Variants in ULK4 observed in about 807,000 individuals in gnomAD.
ULK4 encodes the protein inactive serine/threonine-protein kinase ULK4.
In ULK4, 133 loss-of-function variants were observed where a neutral mutation model predicts 160.6. The observed-to-expected ratio is 0.83, with a 90% CI of 0.72 to 0.96. The LOEUF is 0.96. Among genes scored for constraint, ULK4 ranks in the 40% least tolerant of loss-of-function variants. The pLI, the probability that ULK4 is intolerant of heterozygous loss-of-function variation, is 0.00. For synonymous variants in ULK4, 534 were observed against 539.8 expected (o/e 0.99, Z 0.15); for missense variants, 1,580 against 1,499.5 (o/e 1.05, Z -0.89).
At chr3:41,895,008 T>C (rs1247306430) in intron 16 of ULK4, among the ~76,000 whole-genome samples, 1 of 152,194 alleles carries the variant, frequency 6.6e-6, no homozygotes, top group Non-Finnish European at 1.5e-5. Flanking sequence ...AGGGAAGCTA[T>C]GTGCTACATG....
chr3:41,917,349 A>T (rs1364614350), intron 7 of ULK4, among the ~76,000 whole-genome samples: 6 of 152,096 alleles, frequency 3.9e-5, no homozygotes, highest in East Asian at 1.9e-4. Context: ...CCAAAAAATT[A>T]AAAAATTAGC....
intron 34 of ULK4, among the ~76,000 whole-genome samples, chr3:41,431,993 G>C (rs2082924993): frequency 6.6e-6 from 1 of 152,014 alleles, no homozygotes; most frequent in African/African-American, 2.4e-5. Context: ...CGGTTTCACT[G>C]TGTTAGCCAG....
At chr3:41,610,367 T>C (rs2032614497) in intron 31 of ULK4, among the ~76,000 whole-genome samples, 1 of 152,224 alleles carries the variant, frequency 6.6e-6, no homozygotes, top group African/African-American at 2.4e-5. Context: ...CCCATGTGCA[T>C]AGCAAAATTT....
intron 34 of ULK4, among the ~76,000 whole-genome samples, chr3:41,429,047 A>T (rs2082843060): frequency 1.3e-5 from 2 of 152,088 alleles, no homozygotes; most frequent in Non-Finnish European, 2.9e-5. Context: ...CAACGAACTT[A>T]AATTTACAAG....
intron 32 of ULK4, among the ~76,000 whole-genome samples, chr3:41,490,662 A>G (rs1436938603): frequency 2.0e-5 from 3 of 152,242 alleles, no homozygotes; most frequent in African/African-American, 7.2e-5. Flanking sequence ...GGCAAAACAC[A>G]TTTTTAAAAT....
chr3:41,664,352 G>T (rs895875580), intron 29 of ULK4, among the ~76,000 whole-genome samples: 6 of 152,150 alleles, frequency 3.9e-5, no homozygotes, highest in Non-Finnish European at 7.3e-5. Context: ...ATGGGAAAGG[G>T]TGCACGCGGA....
chr3:41,736,936 T>G (rs1456461300), intron 22 of ULK4, among the ~76,000 whole-genome samples: 1 of 151,874 alleles, frequency 6.6e-6, no homozygotes, highest in East Asian at 1.9e-4. Flanking sequence ...CCAGCACCAT[T>G]TATTAAATGG....
intron 30 of ULK4, among the ~76,000 whole-genome samples, chr3:41,635,338 A>G (rs1380759743): frequency 6.6e-6 from 1 of 152,190 alleles, no homozygotes; most frequent in Admixed American, 6.5e-5. Flanking sequence ...AAGAACCACT[A>G]GCCTGTGTTT....
At chr3:41,609,979 G>GAA (rs1200706921) in intron 31 of ULK4, among the ~76,000 whole-genome samples, 1 of 104,708 alleles carries the variant, frequency 9.6e-6, no homozygotes. Flanking sequence ...ATCTCAAAAA[G>GAA]AAAAAAAAAA....
At chr3:41,941,724 C>G (rs1005313643) in intron 2 of ULK4, among the ~76,000 whole-genome samples, 1 of 117,996 alleles carries the variant, frequency 8.5e-6, no homozygotes, top group African/African-American at 3.0e-5. Flanking sequence ...TCACTGCACT[C>G]CAGCCTGAGT....
In ULK4 at chr3:41,646,437, C is replaced by A. The variant is rs534394272; in HGVS notation, c.3071+17170G>T. On this transcript the variant is annotated intron_variant, in intron 30 of 36. Transcript: ENST00000301831. Reference sequence around the variant, plus strand: ...TGCTTGTCTGTAAAGTGTTTTATTTCTCCTTCACTTATGAAGCTTAGTTTG... The same window carrying A: ...TGCTTGTCTGTAAAGTGTTTTATTTATCCTTCACTTATGAAGCTTAGTTTG... 9.2e-5 allele frequency among the ~76,000 whole-genome samples: 14 copies of A among 152,282 alleles called. No homozygotes were observed. The South Asian group carries it at 2.9e-3, about 32-fold the overall frequency.
At position 41,911,669 on chromosome 3, in the gene ULK4, G is replaced by T; in HGVS notation, c.897-10C>A. On this transcript the variant is annotated splice_polypyrimidine_tract_variant and intron_variant, in intron 9 of 36. Coordinates refer to ENST00000301831, the MANE Select transcript of ULK4 (RefSeq NM_017886.4). Reference sequence around the variant, plus strand: ...CTCCATAGTGTTTCTGCTATTATTGGAGAAAACCAACACAATCAAACTTAC... The same window carrying T: ...CTCCATAGTGTTTCTGCTATTATTGTAGAAAACCAACACAATCAAACTTAC... 1.3e-6 allele frequency: 2 copies of T among 1,596,210 alleles called. No individual in the cohort carries two copies. The highest frequency in any genetic ancestry group is 1.7e-6 in the Non-Finnish European group (2 of 1,166,504).
intron 17 of ULK4, among the ~76,000 whole-genome samples, chr3:41,873,206 G>A (rs1236134693): frequency 1.3e-5 from 2 of 149,696 alleles, no homozygotes; most frequent in South Asian, 2.1e-4. Context: ...TCTCTATGTA[G>A]GTAAATGAGT....
At chr3:41,855,580 G>A (rs760941737) in intron 17 of ULK4, among the ~76,000 whole-genome samples, 5 of 152,172 alleles carry the variant, frequency 3.3e-5, no homozygotes, top group African/African-American at 1.2e-4. Context: ...TTATGGCATA[G>A]AGAACTCCAA....
At chr3:41,433,676 T>C (rs575691992) in intron 34 of ULK4, among the ~76,000 whole-genome samples, 65 of 152,318 alleles carry the variant, frequency 4.3e-4, no homozygotes, top group African/African-American at 1.4e-3. Context: ...TTATACAGAT[T>C]GAGCATCTCT....
In ULK4 at chr3:41,896,105, T is replaced by C. The variant is rs550785338; in HGVS notation, c.1531-541A>G. Among the ~76,000 whole-genome samples, 6 of 152,298 alleles carry C rather than the reference T, an allele frequency of 3.9e-5. No individual in the cohort carries two copies. The East Asian group carries it at 1.2e-3, about 29-fold the overall frequency. On this transcript the variant is annotated intron_variant, in intron 15 of 36. Coordinates refer to ENST00000301831, the MANE Select transcript of ULK4 (RefSeq NM_017886.4). ...AAGAGGAAAAAAATGTCTTAGAGGATTGATGTCTTCCTTCAATGTCACATC... is the reference window on the plus strand; with the variant it reads ...AAGAGGAAAAAAATGTCTTAGAGGACTGATGTCTTCCTTCAATGTCACATC...
chr3:41,616,733 G>A (rs915721182), intron 30 of ULK4, among the ~76,000 whole-genome samples: 18 of 152,154 alleles, frequency 1.2e-4, no homozygotes, highest in African/African-American at 2.7e-4. Flanking sequence ...TAGCAGTAGC[G>A]GCAGGAGTGT....
At position 41,815,909 on chromosome 3, in the gene ULK4, G is replaced by A. The variant is rs562559351; in HGVS notation, c.1848+3514C>T. Among the ~76,000 whole-genome samples the A allele has an allele frequency of 9.2e-5, 14 of 152,236 alleles. No individual in the cohort carries two copies. The South Asian group carries it at 2.7e-3, about 29-fold the overall frequency. ...ACTCTCTTAGTGATGTTGGAGGAGA[G>A]AAGCATTTCATAAGATACAAAAAGC... is the stretch of plus-strand genomic sequence containing the variant. On this transcript the variant is annotated intron_variant, in intron 19 of 36. Transcript: ENST00000301831.
intron 17 of ULK4, among the ~76,000 whole-genome samples, chr3:41,855,832 T>C (rs1364104059): frequency 6.6e-6 from 1 of 152,136 alleles, no homozygotes; most frequent in African/African-American, 2.4e-5. Context: ...CTTTGCTAGG[T>C]TCCCAAGGAT....
Sources: gnomAD v4.1 joint callset for allele counts (sites outside exome capture counted in the v4.1 genomes callset) on GRCh38, gnomAD v4.1.1 for gene constraint, MANE v1.5 for transcripts, NCBI Gene and HGNC (gene_info 2026-07-23, HGNC 2026-07-21) for gene names.